The following ELMOD1 variants were observed in gnomAD, a reference collection of about 807,000 sequenced individuals.
The protein encoded by ELMOD1 is ELMO domain-containing protein 1.
ELMOD1 carries 21 observed loss-of-function variants against 46.7 expected under a neutral mutation model. That is an observed-to-expected ratio of 0.45 (90% CI 0.32 to 0.65). The LOEUF (loss-of-function observed/expected upper bound fraction) is 0.65. Among genes scored for constraint, ELMOD1 ranks in the 30% least tolerant of loss-of-function variants. The probability of loss-of-function intolerance (pLI) is 0.04; values close to 1 mark genes in which losing one functional copy is unlikely to be tolerated. For missense variants in ELMOD1, 348 were observed against 407.8 expected (o/e 0.85, Z 1.26); for synonymous variants, 122 against 138.2 (o/e 0.88, Z 0.82).
chr11:107,624,390 C>T (rs1866005991), intron 2 of ELMOD1, among the ~76,000 whole-genome samples: 1 of 152,162 alleles, frequency 6.6e-6, no homozygotes, highest in African/African-American at 2.4e-5. Context: ...GCGGCTCATG[C>T]CTATAATCCT....
At chr11:107,598,005 C>G (rs1373383368) in intron 1 of ELMOD1, among the ~76,000 whole-genome samples, 1 of 152,158 alleles carries the variant, frequency 6.6e-6, no homozygotes, top group East Asian at 1.9e-4. Flanking sequence ...TCTACGTGTA[C>G]TCTGTCATTA....
chr11:107,605,832 A>G (rs1865676058), intron 1 of ELMOD1, among the ~76,000 whole-genome samples: 1 of 152,240 alleles, frequency 6.6e-6, no homozygotes, highest in African/African-American at 2.4e-5. Flanking sequence ...ATCTTTATGC[A>G]CAAGCATTGT....
chr11:107,646,684 G>A (rs547754461), intron 6 of ELMOD1, among the ~76,000 whole-genome samples: 287 of 151,750 alleles, frequency 1.9e-3, no homozygotes, highest in African/African-American at 5.7e-3. Flanking sequence ...GCAGTGAGCC[G>A]AAATCAGGCC....
chr11:107,665,275 A>C lies in ELMOD1; in HGVS notation c.*78A>C. 2 of 1,447,758 alleles carry C rather than the reference A, an allele frequency of 1.4e-6. No homozygotes were observed. Among genetic ancestry groups the C allele is most frequent in the South Asian group, 1.3e-5 (1 of 77,710 alleles). The allele number at this position is 1,447,758 out of a possible 1,614,324, so 89.7% of individuals were successfully genotyped here. On this transcript the variant is annotated 3_prime_UTR_variant, in exon 12 of 12. Coordinates refer to ENST00000265840, the MANE Select transcript of ELMOD1 (RefSeq NM_018712.4). The stretch of plus-strand genomic sequence containing the variant: ...TAGATCTCTGCTTAGGTCGCAGCTC[A>C]CGCATTGAATGCACACAGTGATTGT...
chr11:107,630,431 T>A lies in ELMOD1; in HGVS notation c.32T>A (p.Val11Glu). MKHFLRMLIQ[V>E]CLYFYCKFLW... ...GTTTTTCACAGAATGTTGATCCAGG[T>A]ATGCCTGTATTTTTACTGTAAATTT... is the stretch of plus-strand genomic sequence containing the variant. The change falls in exon 3 of 12, where the codon GTA (valine) becomes GAA (glutamate). Residue 11 changes from valine (V) to glutamate (E), a missense_variant. Val to Glu is a moderately radical substitution (Grantham distance 121, BLOSUM62 -2). Transcript: ENST00000265840. The A allele has an allele frequency of 1.9e-6, 3 of 1,599,836 alleles. No individual in the cohort carries two copies. Among genetic ancestry groups the A allele is most frequent in the Non-Finnish European group, 2.6e-6 (3 of 1,172,440 alleles).
intron 9 of ELMOD1, 93 bp downstream of exon 9, chr11:107,651,001 G>C: frequency 1.4e-6 from 1 of 724,250 alleles, no homozygotes; most frequent in Non-Finnish European, 2.0e-6. Context: ...GAATTTATTT[G>C]TTTCAAAAAG....
intron 6 of ELMOD1, chr11:107,643,712 G>A (rs1467029408): frequency 2.0e-6 from 1 of 504,522 alleles, no homozygotes; most frequent in Admixed American, 2.1e-5. Flanking sequence ...GCCTTCAGGT[G>A]GCTCAAGATT....
intron 1 of ELMOD1, among the ~76,000 whole-genome samples, chr11:107,615,229 CTTTTTTTTTTT>C (rs34461488): frequency 2.5e-5 from 2 of 81,132 alleles, no homozygotes; most frequent in Admixed American, 2.0e-4. Flanking sequence ...TTGTCAGCAT[CTTTTTTTTTTT>C]TTTTTTTTTT....
intron 6 of ELMOD1, among the ~76,000 whole-genome samples, chr11:107,644,981 T>G (rs1352578230): frequency 6.6e-6 from 1 of 151,558 alleles, no homozygotes; most frequent in African/African-American, 2.4e-5. Flanking sequence ...TGGAGTGCAG[T>G]GGCGCGATCT....
chr11:107,659,791 G>A (rs1276100042), intron 11 of ELMOD1, among the ~76,000 whole-genome samples: 1 of 152,028 alleles, frequency 6.6e-6, no homozygotes, highest in Non-Finnish European at 1.5e-5. Flanking sequence ...GCCAGGCGCG[G>A]TGGCTCACAC....
At chr11:107,642,118 A>G (rs796973172) in intron 6 of ELMOD1, among the ~76,000 whole-genome samples, 22 of 149,292 alleles carry the variant, frequency 1.5e-4, no homozygotes, top group African/African-American at 4.9e-4. Context: ...TAATTTTTGT[A>G]TTTTGAGTAG....
intron 1 of ELMOD1, among the ~76,000 whole-genome samples, chr11:107,606,681 A>G (rs1281799055): frequency 2.0e-5 from 3 of 152,136 alleles, no homozygotes; most frequent in African/African-American, 7.2e-5. Flanking sequence ...CTAAAAATAC[A>G]AAAATTAGCC....
chr11:107,606,614 C>T (rs906841542), intron 1 of ELMOD1, among the ~76,000 whole-genome samples: 1 of 152,276 alleles, frequency 6.6e-6, no homozygotes, highest in East Asian at 1.9e-4. Context: ...GCGGGTGGAT[C>T]GCTTGAGGTC....
intron 6 of ELMOD1, among the ~76,000 whole-genome samples, chr11:107,637,164 G>C (rs1866243274): frequency 1.3e-5 from 2 of 152,194 alleles, no homozygotes; most frequent in African/African-American, 4.8e-5. Flanking sequence ...GTTATGATTA[G>C]ATTATCTGTT....
intron 1 of ELMOD1, among the ~76,000 whole-genome samples, chr11:107,602,320 A>G (rs1239908782): frequency 2.0e-5 from 3 of 152,124 alleles, no homozygotes; most frequent in African/African-American, 7.2e-5. Flanking sequence ...TTGTTATTCA[A>G]GGAGCTGGGT....
chr11:107,606,154 A>G (rs545518405), intron 1 of ELMOD1, among the ~76,000 whole-genome samples: 7 of 152,258 alleles, frequency 4.6e-5, no homozygotes, highest in Admixed American at 3.3e-4. Flanking sequence ...TCACCTGTCT[A>G]GGTCTTCCTT....
chr11:107,651,814 C>T (rs1461441180), intron 9 of ELMOD1, among the ~76,000 whole-genome samples: 2 of 152,120 alleles, frequency 1.3e-5, no homozygotes, highest in East Asian at 1.9e-4. Context: ...ACGAGTCCTC[C>T]GCAGTCCTTG....
chr11:107,659,865 CAACCTGGGT>C (rs1181075039), intron 11 of ELMOD1, among the ~76,000 whole-genome samples: 1 of 152,002 alleles, frequency 6.6e-6, no homozygotes, highest in Admixed American at 6.5e-5. Flanking sequence ...AGTTTGAGAC[CAACCTGGGT>C]AACATGGTGA....
At chr11:107,629,442 AG>A (rs1054944019) in intron 2 of ELMOD1, among the ~76,000 whole-genome samples, 2 of 152,268 alleles carry the variant, frequency 1.3e-5, no homozygotes, top group African/African-American at 4.8e-5. Flanking sequence ...AAGAGAAAAT[AG>A]GTTGACTATA....
Sources: gnomAD v4.1 joint callset for allele counts (sites outside exome capture counted in the v4.1 genomes callset) on GRCh38, gnomAD v4.1.1 for gene constraint, MANE v1.5 for transcripts, NCBI Gene and HGNC (gene_info 2026-07-23, HGNC 2026-07-21) for gene names.